LMNTD1: variants seen among roughly 807,000 people sequenced by gnomAD.
LMNTD1 encodes the protein lamin tail domain containing 1.
LMNTD1 carries 35 observed loss-of-function variants against 50.9 expected under a neutral mutation model. That is an observed-to-expected ratio of 0.69 (90% CI 0.53 to 0.91). The LOEUF is 0.91. Ranked by LOEUF, LMNTD1 falls within the 40% of genes least tolerant of loss-of-function variation. LMNTD1 has a pLI of 0.00. For missense variants in LMNTD1, 470 were observed against 475.5 expected (o/e 0.99, Z 0.11); for synonymous variants, 153 against 161.9 (o/e 0.94, Z 0.42).
intron 1 of LMNTD1, among the ~76,000 whole-genome samples, chr12:25,602,299 G>A (rs1163147202): frequency 6.6e-6 from 1 of 151,194 alleles, no homozygotes; most frequent in Non-Finnish European, 1.5e-5. Flanking sequence ...TGCATCCAAA[G>A]AAAAAAGAAA....
At chr12:25,604,368 T>C (rs1203473504) in intron 1 of LMNTD1, among the ~76,000 whole-genome samples, 1 of 152,152 alleles carries the variant, frequency 6.6e-6, no homozygotes, top group Non-Finnish European at 1.5e-5. Context: ...ATCATTATAC[T>C]TTAAGTTTTA....
At chr12:25,596,958 G>T (rs1486511396) in intron 1 of LMNTD1, among the ~76,000 whole-genome samples, 2 of 151,854 alleles carry the variant, frequency 1.3e-5, no homozygotes, top group African/African-American at 4.8e-5. Context: ...TGCTTGTTAG[G>T]TTGTTTATTC....
At chr12:25,626,372 A>C (rs1156872667) in intron 1 of LMNTD1, among the ~76,000 whole-genome samples, 1 of 152,162 alleles carries the variant, frequency 6.6e-6, no homozygotes, top group Non-Finnish European at 1.5e-5. Context: ...ATACATACAT[A>C]TATATAATCC....
intron 8 of LMNTD1, among the ~76,000 whole-genome samples, chr12:25,515,251 G>A (rs987083745): frequency 4.6e-5 from 7 of 151,484 alleles, no homozygotes; most frequent in Admixed American, 3.3e-4. Context: ...TATTATTGAC[G>A]AGAAAAACAT....
At chr12:25,494,142 C>T (rs541662023) in intron 9 of LMNTD1, among the ~76,000 whole-genome samples, 1 of 152,176 alleles carries the variant, frequency 6.6e-6, no homozygotes, top group Non-Finnish European at 1.5e-5. Flanking sequence ...CCTGTGACTA[C>T]GTTCCTCCTT....
chr12:25,526,268 TG>T (rs767279190), intron 5 of LMNTD1, 50 bp from the exon 6 acceptor site: 3 of 1,578,128 alleles, frequency 1.9e-6, no homozygotes, highest in Non-Finnish European at 2.6e-6. Flanking sequence ...AACACAATTT[TG>T]TAAATGTCAT....
intron 9 of LMNTD1, among the ~76,000 whole-genome samples, chr12:25,489,658 A>T (rs915180279): frequency 6.6e-6 from 1 of 151,996 alleles, no homozygotes; most frequent in East Asian, 1.9e-4. Context: ...CTCCCCTCTC[A>T]GTCCCCAATA....
chr12:25,619,252 C>CTCTATATATATA (rs1374134268), intron 1 of LMNTD1, among the ~76,000 whole-genome samples: 16 of 84,444 alleles, frequency 1.9e-4, no homozygotes, highest in African/African-American at 5.6e-4. Context: ...CTCTCTCTCT[C>CTCTATATATATA]TATATATATA....
intron 1 of LMNTD1, among the ~76,000 whole-genome samples, chr12:25,634,754 G>T (rs982873612): frequency 6.6e-6 from 1 of 152,074 alleles, no homozygotes; most frequent in Admixed American, 6.5e-5. Flanking sequence ...CACAAAACAA[G>T]GATGCCCACT....
intron 8 of LMNTD1, among the ~76,000 whole-genome samples, chr12:25,509,932 A>T (rs921768617): frequency 3.9e-5 from 6 of 152,188 alleles, no homozygotes; most frequent in African/African-American, 1.4e-4. Context: ...TTGCTTTTAG[A>T]CTTCTGCCTC....
chr12:25,529,503 G>C (rs1243841754), intron 4 of LMNTD1, among the ~76,000 whole-genome samples: 1 of 152,178 alleles, frequency 6.6e-6, no homozygotes, highest in Non-Finnish European at 1.5e-5. Context: ...TGTTGGCCAA[G>C]CCTGAAACTT....
chr12:25,632,928 G>A (rs1200594676), intron 1 of LMNTD1, among the ~76,000 whole-genome samples: 8 of 151,864 alleles, frequency 5.3e-5, no homozygotes, highest in Non-Finnish European at 1.2e-4. Context: ...CAGGAGACTT[G>A]CCTAACACAT....
chr12:25,550,166 G>A (rs185740356), intron 2 of LMNTD1, among the ~76,000 whole-genome samples: 69 of 151,854 alleles, frequency 4.5e-4, no homozygotes, highest in African/African-American at 1.5e-3. Context: ...GATCATTTTC[G>A]TGTACTATTT....
chr12:25,521,279 A>C (rs1362619977), intron 6 of LMNTD1, among the ~76,000 whole-genome samples: 1 of 152,132 alleles, frequency 6.6e-6, no homozygotes, highest in Non-Finnish European at 1.5e-5. Context: ...GTGTGATACC[A>C]AGAAATCATT....
At chr12:25,625,620 C>A (rs1263729366) in intron 1 of LMNTD1, among the ~76,000 whole-genome samples, 1 of 152,172 alleles carries the variant, frequency 6.6e-6, no homozygotes, top group Non-Finnish European at 1.5e-5. Flanking sequence ...TCCTGTGTAG[C>A]CTATTAAGCT....
chr12:25,558,984 A>G (rs1592011926), intron 1 of LMNTD1, among the ~76,000 whole-genome samples: 1 of 151,014 alleles, frequency 6.6e-6, no homozygotes, highest in East Asian at 1.9e-4. Context: ...TTTTTGAGAC[A>G]GTCTTTTTTT....
At chr12:25,550,339 G>A (rs1370299428) in intron 2 of LMNTD1, among the ~76,000 whole-genome samples, 6 of 152,238 alleles carry the variant, frequency 3.9e-5, no homozygotes, top group East Asian at 3.9e-4. Context: ...GACTTAGGAC[G>A]TTTCATTTTA....
chr12:25,491,041 C>T (rs945381872), intron 9 of LMNTD1, among the ~76,000 whole-genome samples: 8 of 152,244 alleles, frequency 5.3e-5, no homozygotes, highest in Admixed American at 5.2e-4. Context: ...GATGGAGCAG[C>T]TACAGATGAG....
At chr12:25,579,249 C>G (rs1457421562) in intron 1 of LMNTD1, among the ~76,000 whole-genome samples, 1 of 152,136 alleles carries the variant, frequency 6.6e-6, no homozygotes, top group Non-Finnish European at 1.5e-5. Flanking sequence ...TGAATAGTTG[C>G]ATCTGTACTG....
Sources: gnomAD v4.1 joint callset for allele counts (sites outside exome capture counted in the v4.1 genomes callset) on GRCh38, gnomAD v4.1.1 for gene constraint, MANE v1.5 for transcripts, NCBI Gene and HGNC (gene_info 2026-07-23, HGNC 2026-07-21) for gene names.